Variants in DLEC1 observed in about 807,000 individuals in gnomAD.
DLEC1 encodes deleted in lung and esophageal cancer protein 1.
DLEC1 carries 146 observed loss-of-function variants against 198.1 expected under a neutral mutation model. The ratio of observed to expected loss-of-function variants is 0.74; its 90% CI spans 0.64 to 0.85. DLEC1 has a LOEUF of 0.85. DLEC1 is among the 40% of genes least tolerant of loss of function. The probability of loss-of-function intolerance (pLI) is 0.00; values close to 1 mark genes in which losing one functional copy is unlikely to be tolerated. For missense variants in DLEC1, 2,233 were observed against 2,220.0 expected, an observed-to-expected ratio of 1.01 and a Z score of -0.12; for synonymous variants, 897 against 866.8, an observed-to-expected ratio of 1.03 and a Z score of -0.61.
intron 2 of DLEC1, among the ~76,000 whole-genome samples, chr3:38,047,826 TA>T (rs1378271323): frequency 6.6e-6 from 1 of 152,238 alleles, no homozygotes; most frequent in Non-Finnish European, 1.5e-5. Context: ...AATGAAATGC[TA>T]ATGGTAATAA....
chr3:38,108,657 G>A, intron 21 of DLEC1, 142 bp downstream of exon 21: 1 of 692,650 alleles, frequency 1.4e-6, no homozygotes, highest in East Asian at 2.7e-5. Flanking sequence ...TTGGGTCTGG[G>A]GTCCCCATTC....
Position 38,112,422 on chromosome 3 carries a change from C to T in DLEC1, c.3666+61C>T, listed in dbSNP as rs145689455. 1.5e-3 allele frequency: 2,340 copies of T among 1,594,094 alleles called. 15 individuals carry two copies. The African/African-American group carries it at 0.02, about 14-fold the overall frequency. The stretch of plus-strand genomic sequence containing the variant: ...GGAGAGTCTGCCCAGCCCTCGCCTT[C>T]AGCCTCTCTCCCCTCCAACACCTGG... On this transcript the variant is annotated intron_variant, in intron 25 of 36. Transcript: ENST00000308059. This position sits in a 1 kb window ranked among gnomAD's most constrained non-coding sequence, Gnocchi z 4.8.
chr3:38,079,487 G>A (rs1014289021), intron 6 of DLEC1, among the ~76,000 whole-genome samples: 5 of 152,152 alleles, frequency 3.3e-5, no homozygotes, highest in East Asian at 1.9e-4. Flanking sequence ...CCCAAAGCTC[G>A]GTGTCCGTGA....
At chr3:38,104,513 G>A (rs760822427) in intron 19 of DLEC1, among the ~76,000 whole-genome samples, 21 of 151,412 alleles carry the variant, frequency 1.4e-4, no homozygotes, top group Non-Finnish European at 2.7e-4. Flanking sequence ...TTGGTAGTTT[G>A]CATCACTCTA....
At chr3:38,095,602 G>C (rs1698974635) in intron 13 of DLEC1, 1 of 437,802 alleles carries the variant, frequency 2.3e-6, no homozygotes, top group South Asian at 3.0e-5. Context: ...CTGGGAGGGT[G>C]TGGTGCTTCG....
intron 2 of DLEC1, among the ~76,000 whole-genome samples, chr3:38,050,587 C>T (rs796195832): frequency 6.6e-6 from 1 of 152,010 alleles, no homozygotes; most frequent in Non-Finnish European, 1.5e-5. Flanking sequence ...AGTGAGGACT[C>T]ACTCCCTGCC....
At chr3:38,046,577 T>G (rs1700896327) in intron 2 of DLEC1, among the ~76,000 whole-genome samples, 2 of 152,204 alleles carry the variant, frequency 1.3e-5, no homozygotes, top group Non-Finnish European at 2.9e-5. Flanking sequence ...TCTTTATAAA[T>G]TACACAGTCT....
rs74731637 is a variant in DLEC1, at chr3:38,057,782, G to C, written c.563-1960G>C. 7.2e-3 allele frequency among the ~76,000 whole-genome samples: 1,093 copies of C among 151,544 alleles called. 21 individuals are homozygous for C. Among genetic ancestry groups the C allele is most frequent in the African/African-American group, 0.025 (1,048 of 41,282 alleles). ...GGTGGAGGTTAACTGTCTTAGCAATGACTTATGGGTACTTGGATACTCACT... is the reference window on the plus strand; with the variant it reads ...GGTGGAGGTTAACTGTCTTAGCAATCACTTATGGGTACTTGGATACTCACT... On this transcript the variant is annotated intron_variant, in intron 2 of 36. Coordinates refer to ENST00000308059, the MANE Select transcript of DLEC1 (RefSeq NM_007335.4).
chr3:38,117,245 A>G lies in DLEC1; in HGVS notation c.4343A>G (p.Gln1448Arg). 6.2e-7 allele frequency: 1 copy of G among 1,614,154 alleles called. No individual in the cohort carries two copies. The highest frequency in any genetic ancestry group is 8.5e-7 in the Non-Finnish European group (1 of 1,179,998). Residue 1448 changes from glutamine to arginine, a missense_variant, in exon 31 of 37, where the codon CAG (glutamine) becomes CGG (arginine). Transcript: ENST00000308059. ...REIPGKRHRL[Q>R]DFAVGPLKLD... is the part of the protein sequence containing the mutation. ...ATTCCAGGGAAGAGGCATCGCCTGCAGGACTTTGCGGTGGGACCCCTGAAA... is the reference window on the plus strand; with the variant it reads ...ATTCCAGGGAAGAGGCATCGCCTGCGGGACTTTGCGGTGGGACCCCTGAAA...
At position 38,097,637 on chromosome 3, in the gene DLEC1, G is replaced by T; in HGVS notation, c.2565G>T (p.Lys855Asn). Reference sequence around the variant, plus strand: ...TGTTACACATTGAGGCTGTCTTTAAGGTGCTGCAGGTGGAGCTGGGCAGTG... The same window carrying T: ...TGTTACACATTGAGGCTGTCTTTAATGTGCTGCAGGTGGAGCTGGGCAGTG... ...PVVLHIEAVF[K>N]GPALIINVSA... The change falls in exon 17 of 37, where the codon AAG (lysine) becomes AAT (asparagine). Residue 855 changes from lysine (K) to asparagine (N), a missense_variant and splice_region_variant. Lys to Asn is a moderately conservative substitution (Grantham distance 94, BLOSUM62 0). Coordinates refer to ENST00000308059, the MANE Select transcript of DLEC1 (RefSeq NM_007335.4). 6.2e-7 allele frequency: 1 copy of T among 1,614,184 alleles called. No individual in the cohort carries two copies. Among genetic ancestry groups the T allele is most frequent in the South Asian group, 1.1e-5 (1 of 91,084 alleles).
At chr3:38,099,851 C>T (rs530945323) in intron 18 of DLEC1, among the ~76,000 whole-genome samples, 1 of 152,168 alleles carries the variant, frequency 6.6e-6, no homozygotes, top group Admixed American at 6.5e-5. Context: ...GGAAAGACCA[C>T]GTGGGTGCAA....
intron 6 of DLEC1, among the ~76,000 whole-genome samples, chr3:38,064,972 G>T (rs1696933739): frequency 6.6e-6 from 1 of 152,210 alleles, no homozygotes; most frequent in Non-Finnish European, 1.5e-5. Flanking sequence ...CAGCACTTTG[G>T]GAGGCCAAGG....
chr3:38,092,012 A>C (rs1347211037), intron 10 of DLEC1, among the ~76,000 whole-genome samples: 2 of 152,242 alleles, frequency 1.3e-5, no homozygotes, highest in African/African-American at 4.8e-5. Context: ...TATATATACA[A>C]ATGAAATCTG....
intron 19 of DLEC1, 146 bp downstream of exon 19, chr3:38,100,571 G>A (rs1411371044): frequency 1.8e-5 from 21 of 1,188,504 alleles, no homozygotes; most frequent in Non-Finnish European, 1.4e-5. Context: ...GTAAATTACA[G>A]AAAAGAAACT....
chr3:38,055,107 A>G (rs551180437), intron 2 of DLEC1, among the ~76,000 whole-genome samples: 1 of 152,224 alleles, frequency 6.6e-6, no homozygotes, highest in Non-Finnish European at 1.5e-5. Context: ...TAGTAGATGG[A>G]AAGGAAAATC....
At chr3:38,045,774 C>A in intron 2 of DLEC1, 81 bp downstream of exon 2, 1 of 1,411,626 alleles carries the variant, frequency 7.1e-7, no homozygotes. Context: ...TGCCCACTCT[C>A]TAGGCTTTTT....
intron 3 of DLEC1, among the ~76,000 whole-genome samples, chr3:38,061,921 C>T (rs1374678538): frequency 1.3e-5 from 2 of 152,186 alleles, no homozygotes; most frequent in African/African-American, 2.4e-5. Flanking sequence ...AAGTGATGCT[C>T]CCACCTTGGC....
chr3:38,110,341 G>C (rs1699800484), intron 23 of DLEC1, 60 bp downstream of exon 23: 2 of 1,592,196 alleles, frequency 1.3e-6, no homozygotes, highest in Admixed American at 1.7e-5. Context: ...GTACCCTGTT[G>C]AGCCTCTGTG....
At chr3:38,066,831 C>T (rs1028705024) in intron 6 of DLEC1, among the ~76,000 whole-genome samples, 2 of 152,200 alleles carry the variant, frequency 1.3e-5, no homozygotes, top group African/African-American at 4.8e-5. Flanking sequence ...TTAGAGGAAG[C>T]ATTTTGCTTA....
Sources: gnomAD v4.1 joint callset for allele counts (sites outside exome capture counted in the v4.1 genomes callset) on GRCh38, gnomAD v4.1.1 for gene constraint, Gnocchi (gnomAD v3.1) non-coding constraint, MANE v1.5 for transcripts, NCBI Gene and HGNC (gene_info 2026-07-23, HGNC 2026-07-21) for gene names.